Variants in UBE2T observed in about 807,000 individuals in gnomAD.
The protein encoded by UBE2T is ubiquitin-conjugating enzyme E2 T.
A neutral mutation model predicts 23.3 loss-of-function variants in UBE2T; 15 were observed. That is an observed-to-expected ratio of 0.64 (90% CI 0.43 to 0.99). The LOEUF (loss-of-function observed/expected upper bound fraction) is 0.99. UBE2T is among the 50% of genes least tolerant of loss of function. The pLI, the probability that UBE2T is intolerant of heterozygous loss-of-function variation, is 0.00. For missense variants in UBE2T, 197 were observed against 234.9 expected (o/e 0.84, Z 1.05); for synonymous variants, 67 against 78.4 (o/e 0.85, Z 0.77).
At chr1:202,333,948 T>G (rs2148339902) in intron 3 of UBE2T, among the ~76,000 whole-genome samples, 1 of 151,942 alleles carries the variant, frequency 6.6e-6, no homozygotes, top group East Asian at 1.9e-4. Context: ...TATTGCTGGG[T>G]TTTTCAAAAC....
intron 1 of UBE2T, among the ~76,000 whole-genome samples, chr1:202,337,015 C>A (rs1654900469): frequency 6.6e-6 from 1 of 152,158 alleles, no homozygotes; most frequent in South Asian, 2.1e-4. Context: ...GCGATCTCGG[C>A]TCACTGCAAC....
rs1347675951 is a variant in UBE2T at position 202,335,130 on chromosome 1, G to A, written c.110-72C>T. 1.6e-6 allele frequency: 2 copies of A among 1,278,734 alleles called. No individual in the cohort carries two copies. Among genetic ancestry groups the A allele is most frequent in the East Asian group, 2.5e-5 (1 of 39,844 alleles). 79.2% of individuals were successfully genotyped at this position (1,278,734 alleles called of 1,614,324 possible). Reference sequence around the variant, plus strand: ...TGAATTACTACCATATGGAGCTAATGAGGTCTATGGTCCTAATAGAGAAAC... The same window carrying A: ...TGAATTACTACCATATGGAGCTAATAAGGTCTATGGTCCTAATAGAGAAAC... On this transcript the variant is annotated intron_variant, in intron 2 of 6. Coordinates refer to ENST00000646651, the MANE Select transcript of UBE2T (RefSeq NM_014176.4). The surrounding 1 kb of genome is among the most constrained non-coding windows in gnomAD (Gnocchi z 4.0).
At chr1:202,341,685 G>A (rs1655010142) in intron 1 of UBE2T, among the ~76,000 whole-genome samples, 1 of 151,816 alleles carries the variant, frequency 6.6e-6, no homozygotes, top group Non-Finnish European at 1.5e-5. Context: ...TGCTGTGGCA[G>A]GAGGACGGCT....
At chr1:202,338,563 T>A (rs915152744) in intron 1 of UBE2T, among the ~76,000 whole-genome samples, 3 of 152,166 alleles carry the variant, frequency 2.0e-5, no homozygotes, top group African/African-American at 4.8e-5. Context: ...ATGCTAATGA[T>A]GAATCTATTT....
Position 202,335,310 on chromosome 1 carries a change from CA to C in UBE2T, c.110-253del. On this transcript the variant is annotated intron_variant, in intron 2 of 6. Coordinates refer to ENST00000646651, the MANE Select transcript of UBE2T (RefSeq NM_014176.4). The surrounding 1 kb of genome is among the most constrained non-coding windows in gnomAD (Gnocchi z 4.0). ...AAAATGCTGGCCACAAGACCAAATA[CA>C]ACCTATAGATTTGTTTTGTTTGGAC... 3.6e-6 allele frequency: 2 copies of C among 552,030 alleles called. No homozygotes were observed. Among genetic ancestry groups the C allele is most frequent in the Non-Finnish European group, 6.4e-6 (2 of 310,380 alleles). The allele number at this position is 552,030 out of a possible 1,614,324, so 34.2% of individuals were successfully genotyped here. A position where few individuals can be genotyped will look rare whatever the true frequency, so the allele number is the denominator to read the frequency against.
intron 1 of UBE2T, among the ~76,000 whole-genome samples, chr1:202,336,386 C>T (rs1357245264): frequency 6.6e-6 from 1 of 151,952 alleles, no homozygotes; most frequent in Admixed American, 6.6e-5. Flanking sequence ...CACGCCAGTC[C>T]AAGATTCCTC....
At chr1:202,338,844 A>G (rs577977542) in intron 1 of UBE2T, among the ~76,000 whole-genome samples, 1 of 151,870 alleles carries the variant, frequency 6.6e-6, no homozygotes, top group South Asian at 2.1e-4. Flanking sequence ...ACTGCACTCC[A>G]GCCTGGGAGG....
At chr1:202,336,343 G>A (rs1250432380) in intron 1 of UBE2T, among the ~76,000 whole-genome samples, 2 of 148,674 alleles carry the variant, frequency 1.3e-5, no homozygotes, top group African/African-American at 5.0e-5. Flanking sequence ...CATCTCAGCC[G>A]CCTATGTAGC....
intron 6 of UBE2T, 81 bp downstream of exon 6, chr1:202,332,929 A>AC: frequency 2.2e-6 from 1 of 458,742 alleles, no homozygotes; most frequent in Non-Finnish European, 3.1e-6. Flanking sequence ...AAAAAAAAAA[A>AC]AAAAAAAAAA....
In UBE2T at chr1:202,335,610, T is replaced by A. The variant is rs1195747747; in HGVS notation, c.109+36A>T. ...TATTTCAGCACAATCTTCAATAGGG[T>A]CATGACTTTCATCATATACATGATT... On this transcript the variant is annotated intron_variant, in intron 2 of 6. Transcript: ENST00000646651. This position sits in a 1 kb window ranked among gnomAD's most constrained non-coding sequence, Gnocchi z 4.0. 11 of 1,584,284 alleles carry A rather than the reference T, an allele frequency of 6.9e-6. No homozygotes were observed. The highest frequency in any genetic ancestry group is 9.5e-6 in the Non-Finnish European group (11 of 1,154,106).
intron 3 of UBE2T, 67 bp downstream of exon 3, chr1:202,334,922 C>A (rs1654849551): frequency 6.8e-7 from 1 of 1,461,746 alleles, no homozygotes. Context: ...CTATCTACTA[C>A]ATTGCTCTGT....
At chr1:202,336,454 G>A (rs972637916) in intron 1 of UBE2T, among the ~76,000 whole-genome samples, 7 of 151,976 alleles carry the variant, frequency 4.6e-5, no homozygotes, top group East Asian at 1.9e-4. Flanking sequence ...TCTTGTGAAC[G>A]TTTATCTATA....
Position 202,333,003 on chromosome 1 carries a change from A to AC in UBE2T, c.468+6_468+7insG. On this transcript the variant is annotated splice_region_variant and intron_variant, in intron 6 of 6. Coordinates refer to ENST00000646651, the MANE Select transcript of UBE2T (RefSeq NM_014176.4). ...TAATTAACTGACAATAGTAGCAAAC[A>AC]TTATACCTTTTGTTTCTGTCTTGCA... The AC allele has an allele frequency of 6.2e-7, 1 of 1,604,414 alleles. No homozygotes were observed. Among genetic ancestry groups the AC allele is most frequent in the Non-Finnish European group, 8.5e-7 (1 of 1,172,980 alleles).
intron 1 of UBE2T, among the ~76,000 whole-genome samples, chr1:202,337,422 T>G (rs755998537): frequency 6.6e-6 from 1 of 152,238 alleles, no homozygotes; most frequent in Non-Finnish European, 1.5e-5. Flanking sequence ...TATTCCTACA[T>G]AGCCTTCAAA....
chr1:202,333,057 T>A lies in UBE2T; in HGVS notation c.421A>T (p.Lys141Ter). 1 of 1,613,914 alleles carries A rather than the reference T, an allele frequency of 6.2e-7. No individual in the cohort carries two copies. The highest frequency in any genetic ancestry group is 8.5e-7 in the Non-Finnish European group (1 of 1,179,928). The change falls in exon 6 of 7, where the codon AAG becomes TAG. Residue 141 changes from lysine (K) to a stop codon, truncating the protein, a stop_gained. Transcript: ENST00000646651. LOFTEE classifies it low-confidence loss of function (END_TRUNC). ...TTCTCTGTCCACTGTCTGGCATTCT[T>A]GAGGAAGGCTGGCTTATTATATTTA... The part of the protein sequence containing the change: ...EFKYNKPAFL[K>*]NARQWTEKHA...
In UBE2T at chr1:202,335,183, G is replaced by T; in HGVS notation, c.110-125C>A. On this transcript the variant is annotated intron_variant, in intron 2 of 6. Coordinates refer to ENST00000646651, the MANE Select transcript of UBE2T (RefSeq NM_014176.4). This position sits in a 1 kb window ranked among gnomAD's most constrained non-coding sequence, Gnocchi z 4.0. Reference sequence around the variant, plus strand: ...GGCCTAGGACAATAATTCTCTGCCAGGACTTTAACAAGTCCTCATGCAACA... The same window carrying T: ...GGCCTAGGACAATAATTCTCTGCCATGACTTTAACAAGTCCTCATGCAACA... 1 of 759,636 alleles carries T rather than the reference G, an allele frequency of 1.3e-6. No homozygotes were observed. 47.1% of individuals were successfully genotyped at this position (759,636 alleles called of 1,614,324 possible).
At chr1:202,339,962 C>A (rs1379312494) in intron 1 of UBE2T, among the ~76,000 whole-genome samples, 1 of 152,138 alleles carries the variant, frequency 6.6e-6, no homozygotes, top group Non-Finnish European at 1.5e-5. Flanking sequence ...GTAATCCCAG[C>A]ACTTTGGGAG....
Position 202,335,418 on chromosome 1 carries a change from C to T in UBE2T, c.109+228G>A. ...TATCTTTGATCTAAACACTGCTTCA[C>T]TGCTTTAAATCTTGGCTATAAATCA... On this transcript the variant is annotated intron_variant, in intron 2 of 6. Transcript: ENST00000646651. The surrounding 1 kb of genome is among the most constrained non-coding windows in gnomAD (Gnocchi z 4.0). The T allele has an allele frequency of 1.8e-6, 1 of 565,088 alleles. No homozygotes were observed. Among genetic ancestry groups the T allele is most frequent in the Non-Finnish European group, 3.1e-6 (1 of 317,948 alleles). The allele number at this position is 565,088 out of a possible 1,614,324, so 35.0% of individuals were successfully genotyped here.
In UBE2T at chr1:202,335,817, C is replaced by T; in HGVS notation, c.-63G>A. ...TCCACACTAAGAGCTGCCTGGGATG[C>T]ACTGGAGGAGAAAAGAGGTGACCAT... is the stretch of plus-strand genomic sequence containing the variant. On this transcript the variant is annotated splice_region_variant and 5_prime_UTR_variant, in exon 2 of 7. Coordinates refer to ENST00000646651, the MANE Select transcript of UBE2T (RefSeq NM_014176.4). The surrounding 1 kb of genome is among the most constrained non-coding windows in gnomAD (Gnocchi z 4.0). 1 of 1,462,026 alleles carries T rather than the reference C, an allele frequency of 6.8e-7. No individual in the cohort carries two copies. The highest frequency in any genetic ancestry group is 9.5e-7 in the Non-Finnish European group (1 of 1,047,930). The allele number at this position is 1,462,026 out of a possible 1,614,324, so 90.6% of individuals were successfully genotyped here. A position where few individuals can be genotyped will look rare whatever the true frequency, so the allele number is the denominator to read the frequency against.
Sources: allele counts gnomAD v4.1 joint callset (sites outside exome capture counted in the v4.1 genomes callset), GRCh38; gene constraint gnomAD v4.1.1; non-coding constraint Gnocchi (gnomAD v3.1); transcripts MANE v1.5; gene names NCBI Gene and HGNC (gene_info 2026-07-23, HGNC 2026-07-21).